ZC3H12B: variants seen among roughly 807,000 people sequenced by gnomAD.
The protein encoded by ZC3H12B is zinc finger CCCH-type containing 12B.
A neutral mutation model predicts 43.9 loss-of-function variants in ZC3H12B; 7 were observed. The observed-to-expected ratio is 0.16, with a 90% CI of 0.09 to 0.30. The LOEUF is 0.30. ZC3H12B is among the 10% of genes least tolerant of loss of function. The probability of loss-of-function intolerance (pLI) is 1.00; values close to 1 mark genes in which losing one functional copy is unlikely to be tolerated. For missense variants in ZC3H12B, 475 were observed against 670.2 expected (o/e 0.71, Z 3.22); for synonymous variants, 222 against 241.7 (o/e 0.92, Z 0.76).
exon 5 of ZC3H12B, chrX:65,503,021 C>A: frequency 8.3e-7 from 1 of 1,211,137 alleles, no homozygotes. Context: ...TTGGAGGAAT[C>A]CTTGGGTTGG....
intron 3 of ZC3H12B, among the ~76,000 whole-genome samples, chrX:65,401,747 G>C (rs1420826899): frequency 8.9e-6 from 1 of 111,779 alleles, no homozygotes; most frequent in African/African-American, 3.2e-5. Flanking sequence ...TACCACCTCA[G>C]CCACAGCAGA....
intron 3 of ZC3H12B, among the ~76,000 whole-genome samples, chrX:65,477,409 G>A (rs1175481836): frequency 9.0e-6 from 1 of 111,195 alleles, no homozygotes; most frequent in Non-Finnish European, 1.9e-5. Context: ...CAGGAGTTGT[G>A]TGAAGAAGAG....
chrX:65,161,564 A>T, the ZC3H12B span, among the ~76,000 whole-genome samples: 1 of 111,319 alleles, frequency 9.0e-6, no homozygotes, highest in African/African-American at 3.3e-5. Context: ...AGTCTGTTTT[A>T]TCAGAGACTA....
the ZC3H12B span, among the ~76,000 whole-genome samples, chrX:65,077,736 G>T: frequency 8.9e-6 from 1 of 111,816 alleles, no homozygotes; most frequent in Non-Finnish European, 1.9e-5. Context: ...TTTTGTTTTT[G>T]TTGTTGTTGT....
chrX:65,416,577 C>T (rs1265181992), intron 3 of ZC3H12B, among the ~76,000 whole-genome samples: 3 of 106,913 alleles, frequency 2.8e-5, no homozygotes, highest in Non-Finnish European at 3.9e-5. Flanking sequence ...GTCAGGAGAT[C>T]GAGACCATCC....
At chrX:65,265,608 ATT>A in the ZC3H12B span, among the ~76,000 whole-genome samples, 2 of 112,254 alleles carry the variant, frequency 1.8e-5, no homozygotes. Context: ...CATTACCACC[ATT>A]CCACATACTG....
At chrX:65,350,238 C>T in the ZC3H12B span, among the ~76,000 whole-genome samples, 1 of 111,771 alleles carries the variant, frequency 8.9e-6, no homozygotes, top group African/African-American at 3.3e-5. Context: ...ATCACATAAA[C>T]AGAAGCAATC....
chrX:65,092,579 G>C, the ZC3H12B span, among the ~76,000 whole-genome samples: 1 of 111,975 alleles, frequency 8.9e-6, no homozygotes, highest in Non-Finnish European at 1.9e-5. Context: ...AAAGAGGAAG[G>C]CTGCATCATG....
chrX:65,176,314 C>T, the ZC3H12B span, among the ~76,000 whole-genome samples: 3 of 111,884 alleles, frequency 2.7e-5, no homozygotes, highest in Admixed American at 2.8e-4. Context: ...CTCCAGAAAG[C>T]CTCTATAGCC....
At chrX:65,348,148 T>A in the ZC3H12B span, among the ~76,000 whole-genome samples, 1 of 111,543 alleles carries the variant, frequency 9.0e-6, no homozygotes, top group Non-Finnish European at 1.9e-5. Context: ...AGTCAATGGG[T>A]GCAGCACACC....
the ZC3H12B span, among the ~76,000 whole-genome samples, chrX:65,331,860 AGT>A: frequency 9.0e-6 from 1 of 111,224 alleles, no homozygotes; most frequent in Non-Finnish European, 1.9e-5. Context: ...CATTGGTGGA[AGT>A]GTCTTTTTGC....
the ZC3H12B span, among the ~76,000 whole-genome samples, chrX:65,107,922 G>A: frequency 2.7e-5 from 3 of 111,700 alleles, no homozygotes; most frequent in East Asian, 8.5e-4. Flanking sequence ...ATATGGTATA[G>A]CCTCGTGCTC....
rs147745851 is a variant in ZC3H12B, at chrX:65,436,345, A to G, written n.407+37641A>G. The stretch of plus-strand genomic sequence containing the variant: ...AAACCATATCAAACCACAAGGCCCA[A>G]TGTCCAAAGGTAGGAGAAGATGAAT... On this transcript the variant is annotated intron_variant and non_coding_transcript_variant, in intron 3 of 5. Transcript: ENST00000617377. 8.0e-5 allele frequency among the ~76,000 whole-genome samples: 9 copies of G among 112,445 alleles called. No homozygotes were observed. The East Asian group carries it at 2.5e-3, about 32-fold the overall frequency.
At chrX:65,283,662 G>T in the ZC3H12B span, among the ~76,000 whole-genome samples, 1 of 111,766 alleles carries the variant, frequency 8.9e-6, no homozygotes, top group Non-Finnish European at 1.9e-5. Context: ...GGACAGAACT[G>T]CTCCAGGAAG....
chrX:65,130,245 C>A, the ZC3H12B span, among the ~76,000 whole-genome samples: 23 of 111,000 alleles, frequency 2.1e-4, no homozygotes, highest in East Asian at 2.3e-3. Flanking sequence ...TTACTGAATA[C>A]CAAGAGCCTG....
chrX:65,486,100 C>T (rs1306343949), upstream of ZC3H12B, among the ~76,000 whole-genome samples: 2 of 112,345 alleles, frequency 1.8e-5, no homozygotes, highest in Non-Finnish European at 3.8e-5. Context: ...CTATCTCCCA[C>T]CCTACTGAGA....
intron 3 of ZC3H12B, among the ~76,000 whole-genome samples, chrX:65,450,115 G>C (rs757417164): frequency 2.8e-4 from 30 of 107,937 alleles, no homozygotes; most frequent in Non-Finnish European, 4.4e-4. Context: ...GACCAGCCTG[G>C]CCAAGATGGC....
chrX:65,354,250 C>T, the ZC3H12B span, among the ~76,000 whole-genome samples: 1 of 111,966 alleles, frequency 8.9e-6, no homozygotes, highest in Non-Finnish European at 1.9e-5. Flanking sequence ...TAGTACAAAG[C>T]TTCCAAAGGA....
chrX:65,290,013 AAATAAT>A, the ZC3H12B span, among the ~76,000 whole-genome samples: 4 of 110,776 alleles, frequency 3.6e-5, no homozygotes, highest in East Asian at 8.5e-4. Flanking sequence ...ATGTAGTAAA[AAATAAT>A]AATAATAATA....
Sources: allele counts gnomAD v4.1 joint callset (sites outside exome capture counted in the v4.1 genomes callset), GRCh38; gene constraint gnomAD v4.1.1; transcripts MANE v1.5; gene names NCBI Gene and HGNC (gene_info 2026-07-23, HGNC 2026-07-21).